The following UROS variants were observed in gnomAD, a reference collection of about 807,000 sequenced individuals.
UROS encodes the protein uroporphyrinogen III synthase, also known as uroporphyrinogen-III synthase.
Under a neutral mutation model 33.0 loss-of-function variants are expected in UROS, and 18 were observed. The ratio of observed to expected loss-of-function variants is 0.55; its 90% CI spans 0.38 to 0.81. UROS has a LOEUF of 0.81. Among genes scored for constraint, UROS ranks in the 30% least tolerant of loss-of-function variants. UROS has a pLI of 0.00. For synonymous variants in UROS, 114 were observed against 121.1 expected, an observed-to-expected ratio of 0.94 and a Z score of 0.38; for missense variants, 293 against 314.9, an observed-to-expected ratio of 0.93 and a Z score of 0.53.
At chr10:125,803,067 A>G (rs1051962857) in intron 6 of UROS, 2 of 1,612,624 alleles carry the variant, frequency 1.2e-6, no homozygotes, top group Admixed American at 1.7e-5. Context: ...TGGACTAAGT[A>G]TCTTTTAGAA....
At chr10:125,797,046 T>G (rs980129317) in intron 7 of UROS, among the ~76,000 whole-genome samples, 1 of 152,242 alleles carries the variant, frequency 6.6e-6, no homozygotes, top group Non-Finnish European at 1.5e-5. Flanking sequence ...TGGTATTTTC[T>G]TGTTCCCGAA....
rs538754199 is a variant in UROS, at chr10:125,797,838, C to T, written c.475+227G>A. Among the ~76,000 whole-genome samples, 48 of 152,346 alleles carry T rather than the reference C, an allele frequency of 3.2e-4. 1 individual carries two copies. Among genetic ancestry groups the T allele is most frequent in the Admixed American group, 1.9e-3 (29 of 15,304 alleles). On this transcript the variant is annotated intron_variant, in intron 7 of 9. Coordinates refer to ENST00000368797, the MANE Select transcript of UROS (RefSeq NM_000375.3). Reference sequence around the variant, plus strand: ...AAGGACTGGAGACACACTGTGTGCTCCTAGCTTGAGCTAACAAGCTGGGAA... The same window carrying T: ...AAGGACTGGAGACACACTGTGTGCTTCTAGCTTGAGCTAACAAGCTGGGAA...
intron 4 of UROS, among the ~76,000 whole-genome samples, chr10:125,814,157 CCTAA>C (rs1554888363): frequency 6.6e-6 from 1 of 152,200 alleles, no homozygotes; most frequent in Non-Finnish European, 1.5e-5. Flanking sequence ...GTAAGTTCTA[CCTAA>C]CTAATAGTCT....
chr10:125,811,940 A>G (rs1348385460), intron 5 of UROS, among the ~76,000 whole-genome samples: 1 of 151,952 alleles, frequency 6.6e-6, no homozygotes, highest in Non-Finnish European at 1.5e-5. Flanking sequence ...TCACAATGGA[A>G]TTAGTCAGCC....
At chr10:125,812,773 GT>G (rs1351498599) in intron 4 of UROS, among the ~76,000 whole-genome samples, 1 of 152,020 alleles carries the variant, frequency 6.6e-6, no homozygotes, top group African/African-American at 2.4e-5. Context: ...TTACACCAAA[GT>G]AAAAATAATA....
intron 9 of UROS, among the ~76,000 whole-genome samples, chr10:125,791,184 T>C (rs893420049): frequency 1.3e-5 from 2 of 151,906 alleles, no homozygotes; most frequent in African/African-American, 2.4e-5. Flanking sequence ...GGCAAAGGAT[T>C]TGAATAGATA....
intron 6 of UROS, among the ~76,000 whole-genome samples, chr10:125,798,805 G>A (rs2133848878): frequency 6.6e-6 from 1 of 152,350 alleles, no homozygotes; most frequent in Middle Eastern, 3.4e-3. Flanking sequence ...AGACTTAAGG[G>A]CATTTTCAGC....
chr10:125,810,617 A>G (rs905090507), intron 5 of UROS, among the ~76,000 whole-genome samples: 1 of 152,168 alleles, frequency 6.6e-6, no homozygotes, highest in Non-Finnish European at 1.5e-5. Context: ...GTAATTTGTT[A>G]CGCAGCAAAG....
chr10:125,787,231 G>C (rs1428158405), downstream of UROS, among the ~76,000 whole-genome samples: 5 of 152,196 alleles, frequency 3.3e-5, no homozygotes. Context: ...CCTACCCCGA[G>C]GCTCTGAAAA....
At chr10:125,789,359 T>G in intron 9 of UROS, 3 of 1,217,778 alleles carry the variant, frequency 2.5e-6, no homozygotes, top group Non-Finnish European at 3.1e-6. Flanking sequence ...TTGGGGGCCC[T>G]GGGTCTGATC....
intron 1 of UROS, among the ~76,000 whole-genome samples, chr10:125,821,273 G>A (rs533100835): frequency 6.6e-6 from 1 of 152,282 alleles, no homozygotes; most frequent in South Asian, 2.1e-4. Flanking sequence ...AACAAAATGT[G>A]GTCTATACAT....
intron 6 of UROS, 96 bp from the exon 7 acceptor site, chr10:125,798,241 T>C: frequency 2.4e-6 from 3 of 1,275,788 alleles, no homozygotes; most frequent in Non-Finnish European, 3.4e-6. Context: ...GAAGCAGCCC[T>C]GGGCTCCAGG....
chr10:125,789,084 G>C, intron 9 of UROS, 79 bp from the exon 10 acceptor site: 1 of 1,565,718 alleles, frequency 6.4e-7, no homozygotes, highest in Non-Finnish European at 8.7e-7. Flanking sequence ...GTGTGCAGGG[G>C]CCGTCAGCCA....
At chr10:125,793,182 G>A (rs1364415342) in intron 9 of UROS, 2 of 152,232 alleles carry the variant, frequency 1.3e-5, no homozygotes, top group Non-Finnish European at 2.9e-5. Context: ...TGAGTTCTTG[G>A]TTCAGATGCT....
rs564312906 is a variant in UROS at position 125,799,720 on chromosome 10, A to G, written c.395-1575T>C. On this transcript the variant is annotated intron_variant, in intron 6 of 9. Transcript: ENST00000368797. ...GGCTCTGCAGGCACACAGGGCCCAC[A>G]AATGTCCAACCAGCTCAGCTGACTT... Among the ~76,000 whole-genome samples the G allele has an allele frequency of 7.2e-5, 11 of 152,234 alleles. No homozygotes were observed. The East Asian group carries it at 2.1e-3, about 29-fold the overall frequency.
In UROS at chr10:125,816,218, A is replaced by C. The variant is rs200858139; in HGVS notation, c.106T>G (p.Leu36Val). Residue 36 changes from leucine (L) to valine (V), a missense_variant, in exon 3 of 10, where the codon TTA (leucine) becomes GTA (valine). Leu to Val is a conservative substitution (Grantham distance 32). Transcript: ENST00000368797. Reference sequence around the variant, plus strand: ...GGAAGAGACAAAAACTCAAACGATAAAACAGGGATCAAAGTGGCTTCAAGT... The same window carrying C: ...GGAAGAGACAAAAACTCAAACGATACAACAGGGATCAAAGTGGCTTCAAGT... ...YGLEATLIPV[L>V]SFEFLSLPSF... 96 of 1,614,216 alleles carry C rather than the reference A, an allele frequency of 5.9e-5. No individual in the cohort carries two copies. In the African/African-American group the frequency reaches 8.9e-4, roughly 15 times the overall value.
downstream of UROS, chr10:125,788,582 T>C: frequency 7.4e-7 from 1 of 1,360,276 alleles, no homozygotes; most frequent in Non-Finnish European, 9.5e-7. Flanking sequence ...ATACACTCAG[T>C]AAGCACAGGT....
intron 6 of UROS, among the ~76,000 whole-genome samples, chr10:125,806,041 A>G (rs1852302505): frequency 6.6e-6 from 1 of 152,168 alleles, no homozygotes; most frequent in African/African-American, 2.4e-5. Context: ...TCCTCAGACC[A>G]CAGTGTAGAA....
downstream of UROS, chr10:125,788,433 G>A (rs1850695626): frequency 1.2e-5 from 7 of 584,134 alleles, no homozygotes; most frequent in Non-Finnish European, 1.5e-5. Flanking sequence ...GAACTTCACG[G>A]TCCTTTTTAT....
Sources: allele counts gnomAD v4.1 joint callset (sites outside exome capture counted in the v4.1 genomes callset), GRCh38; gene constraint gnomAD v4.1.1; transcripts MANE v1.5; gene names NCBI Gene and HGNC (gene_info 2026-07-23, HGNC 2026-07-21).